The following BICDL2 variants were observed in gnomAD, a reference collection of about 807,000 sequenced individuals.
BICDL2 encodes BICD family-like cargo adapter 2.
BICDL2 carries 62 observed loss-of-function variants against 56.6 expected under a neutral mutation model. That is an observed-to-expected ratio of 1.10 (90% CI 0.89 to 1.35). The LOEUF is 1.35. BICDL2 is among the 40% of genes most tolerant of loss of function. The probability of loss-of-function intolerance (pLI) is 0.00; values close to 1 mark genes in which losing one functional copy is unlikely to be tolerated. For missense variants in BICDL2, 808 were observed against 684.5 expected (o/e 1.18, Z -2.01); for synonymous variants, 358 against 319.8 (o/e 1.12, Z -1.27).
intron 1 of BICDL2, chr16:3,035,969 C>A (rs891932099): frequency 3.2e-6 from 1 of 313,086 alleles, no homozygotes; most frequent in Admixed American, 5.0e-5. Context: ...GGCTTGGGAA[C>A]TGAGGTATCT....
chr16:3,036,445 G>GGT (rs1955734353), intron 1 of BICDL2: 1 of 456,120 alleles, frequency 2.2e-6, no homozygotes, highest in African/African-American at 2.0e-5. Context: ...CCCTCCGGGG[G>GGT]CTCACCACCC....
intron 8 of BICDL2, 104 bp from the exon 9 acceptor site, chr16:3,028,572 C>A: frequency 1.3e-6 from 2 of 1,530,618 alleles, no homozygotes; most frequent in Non-Finnish European, 1.7e-6. Context: ...CTGCAAACAC[C>A]TAGATCAAGG....
At chr16:3,032,740 A>C (rs1955676021) in intron 2 of BICDL2, 1 of 152,226 alleles carries the variant, frequency 6.6e-6, no homozygotes, top group African/African-American at 2.4e-5. Context: ...TGAGGGAACA[A>C]GCGTGAGTTC....
chr16:3,031,775 TCGCA>T (rs1211772008), intron 2 of BICDL2: 9 of 379,556 alleles, frequency 2.4e-5, no homozygotes, highest in Non-Finnish European at 4.2e-5. Context: ...CTGCAGCGAC[TCGCA>T]GGTACCCTGC....
At position 3,031,082 on chromosome 16, in the gene BICDL2, C is replaced by T. The variant is rs898296446; in HGVS notation, c.351G>A (p.Arg117=). Residue 117 remains arginine, a synonymous_variant, in exon 3 of 10, where the codon CGG becomes CGA. Coordinates refer to ENST00000572449, the MANE Select transcript of BICDL2 (RefSeq NM_001369667.1). ...CCACGTCCCCCTCCAGCTCCACGGC[C>T]CGGGCCTCCCACTCGGCTCCTCGGG... ...LAARGAEWEA[R]AVELEGDVEA... is the part of the protein sequence containing the mutation. 1.3e-6 allele frequency: 2 copies of T among 1,536,832 alleles called. No individual in the cohort carries two copies. Among genetic ancestry groups the T allele is most frequent in the Non-Finnish European group, 1.7e-6 (2 of 1,146,724 alleles).
chr16:3,027,965 C>T lies in BICDL2; in HGVS notation c.*141G>A, dbSNP rs2072845705. ...CCCCTGCTCCGGATGAGCCCCTGCT[C>T]CCGATGAGCCCTTGCCCAGCATCCT... On this transcript the variant is annotated 3_prime_UTR_variant, in exon 10 of 10. Coordinates refer to ENST00000572449, the MANE Select transcript of BICDL2 (RefSeq NM_001369667.1). 1 of 1,249,460 alleles carries T rather than the reference C, an allele frequency of 8.0e-7. No homozygotes were observed. Among genetic ancestry groups the T allele is most frequent in the Non-Finnish European group, 1.0e-6 (1 of 953,218 alleles). The allele number at this position is 1,249,460 out of a possible 1,614,324, so 77.4% of individuals were successfully genotyped here. A position where few individuals can be genotyped will look rare whatever the true frequency, so the allele number is the denominator to read the frequency against.
At position 3,035,497 on chromosome 16, in the gene BICDL2, G is replaced by C; in HGVS notation, c.-1C>G. Reference sequence around the variant, plus strand: ...AGCTGGGCCCATCTGGAGAGCTCATGTCACCTGCAGCATCTGCGGGGACAG... The same window carrying C: ...AGCTGGGCCCATCTGGAGAGCTCATCTCACCTGCAGCATCTGCGGGGACAG... On this transcript the variant is annotated 5_prime_UTR_variant, in exon 2 of 10. Transcript: ENST00000572449. 6.2e-7 allele frequency: 1 copy of C among 1,604,092 alleles called. No homozygotes were observed. The highest frequency in any genetic ancestry group is 8.5e-7 in the Non-Finnish European group (1 of 1,175,776).
chr16:3,029,271 C>T lies in BICDL2; in HGVS notation c.1107+9G>A, dbSNP rs1214829915. 1 of 1,609,102 alleles carries T rather than the reference C, an allele frequency of 6.2e-7. No individual in the cohort carries two copies. Among genetic ancestry groups the T allele is most frequent in the Admixed American group, 1.7e-5 (1 of 59,580 alleles). ...GGCCGTGCATCCAGCACCGTGCCCT[C>T]TGCCCCACCTCATCTTGCAGCTTGG... On this transcript the variant is annotated intron_variant, in intron 7 of 9. Coordinates refer to ENST00000572449, the MANE Select transcript of BICDL2 (RefSeq NM_001369667.1).
Position 3,035,396 on chromosome 16 carries a change from C to G in BICDL2, c.101G>C (p.Arg34Pro). Residue 34 changes from arginine to proline, a missense_variant, in exon 2 of 10, where the codon CGG (arginine) becomes CCG (proline). Arg to Pro is a moderately radical substitution (Grantham distance 103). Transcript: ENST00000572449. ...TGGGCCCCCTCCCAGGAATGAGTCC[C>G]GCCGCTCCAGCACAAAGGGGAAGAA... ...EGFFPFVLERRDSFLGGGPGP... is the reference protein window; with the variant it reads ...EGFFPFVLERPDSFLGGGPGP... The G allele has an allele frequency of 6.2e-7, 1 of 1,611,654 alleles. No homozygotes were observed. Among genetic ancestry groups the G allele is most frequent in the Non-Finnish European group, 8.5e-7 (1 of 1,179,452 alleles).
In BICDL2 at chr16:3,030,194, G is replaced by A. The variant is rs982799170; in HGVS notation, c.762+255C>T. On this transcript the variant is annotated intron_variant, in intron 5 of 9. Coordinates refer to ENST00000572449, the MANE Select transcript of BICDL2 (RefSeq NM_001369667.1). ...ATTGCGCAGCCGTGGTCTAGGGGCT[G>A]TCATTCCTGGCCTGAGCTCTGGCAC... 5 of 544,336 alleles carry A rather than the reference G, an allele frequency of 9.2e-6. No homozygotes were observed. The Admixed American group carries it at 1.4e-4, about 15-fold the overall frequency. 33.7% of individuals were successfully genotyped at this position (544,336 alleles called of 1,614,324 possible). A position where few individuals can be genotyped will look rare whatever the true frequency, so the allele number is the denominator to read the frequency against.
At position 3,035,198 on chromosome 16, in the gene BICDL2, G is replaced by A. The variant is rs201177718; in HGVS notation, c.282+17C>T. ...CCCTGCCCACCCACCCACCCACCCC[G>A]TCCAGTGCTAGCTCACTTCCTCACG... On this transcript the variant is annotated intron_variant, in intron 2 of 9. Transcript: ENST00000572449. 4.0e-3 allele frequency: 4,087 copies of A among 1,015,108 alleles called. 101 individuals carry two copies. The African/African-American group carries it at 0.13, about 32-fold the overall frequency. 62.9% of individuals were successfully genotyped at this position (1,015,108 alleles called of 1,614,324 possible).
Position 3,028,361 on chromosome 16 carries a change from A to C in BICDL2, c.1346T>G (p.Leu449Arg), listed in dbSNP as rs1477799204. 3 of 1,549,694 alleles carry C rather than the reference A, an allele frequency of 1.9e-6. No individual in the cohort carries two copies. The highest frequency in any genetic ancestry group is 2.6e-6 in the Non-Finnish European group (3 of 1,155,594). ...CCCGCCCCTCACCTGCCAGGCCTCC[A>C]GCTCCTGCGTGAGCGCCACCTTCTG... The part of the protein sequence containing the change: ...IRQKVALTQE[L>R]EAWQDDMQVV... The change falls in exon 9 of 10, where the codon CTG becomes CGG. Residue 449 changes from leucine to arginine, a missense_variant. By Grantham distance (102) the Leu-to-Arg change is moderately radical. Transcript: ENST00000572449.
chr16:3,031,162 A>G lies in BICDL2; in HGVS notation c.283-12T>C. ...TCCTGCTGGAGCCGCTGTGGGGGCC[A>G]GGGCAGAGGGACAGAGGCAGAGAGG... On this transcript the variant is annotated splice_polypyrimidine_tract_variant and intron_variant, in intron 2 of 9. Coordinates refer to ENST00000572449, the MANE Select transcript of BICDL2 (RefSeq NM_001369667.1). 6.5e-7 allele frequency: 1 copy of G among 1,533,350 alleles called. No homozygotes were observed. The highest frequency in any genetic ancestry group is 8.7e-7 in the Non-Finnish European group (1 of 1,145,452). The allele number at this position is 1,533,350 out of a possible 1,614,324, so 95.0% of individuals were successfully genotyped here.
In BICDL2 at chr16:3,035,544, C is replaced by T. The variant is rs529402705; in HGVS notation, c.-30-18G>A. The T allele has an allele frequency of 6.4e-7, 1 of 1,555,080 alleles. No homozygotes were observed. The highest frequency in any genetic ancestry group is 2.3e-5 in the East Asian group (1 of 44,290). On this transcript the variant is annotated intron_variant, in intron 1 of 9. Coordinates refer to ENST00000572449, the MANE Select transcript of BICDL2 (RefSeq NM_001369667.1). ...ACAGGTGGCTGCGGGACACTCTACT[C>T]TGCAGCCTGACAGGGGCTCACCCTC...
intron 2 of BICDL2, among the ~76,000 whole-genome samples, chr16:3,033,463 G>A (rs1032173458): frequency 6.6e-6 from 1 of 151,960 alleles, no homozygotes; most frequent in Admixed American, 6.6e-5. Flanking sequence ...AAGGGCTTGC[G>A]GATATTGGGG....
rs1955648360 is a variant in BICDL2 at position 3,031,127 on chromosome 16, C to T, written c.306G>A (p.Glu102=). The change falls in exon 3 of 10, where the codon GAG becomes GAA. Residue 102 remains glutamate (E), a synonymous_variant. Coordinates refer to ENST00000572449, the MANE Select transcript of BICDL2 (RefSeq NM_001369667.1). ...REERLQQENH[E]LRRGLAARGA... ...CTCGGGCTGCCAGGCCTCGCCGGAG[C>T]TCATGGTTCTCCTGCTGGAGCCGCT... 1 of 1,535,290 alleles carries T rather than the reference C, an allele frequency of 6.5e-7. No individual in the cohort carries two copies. Among genetic ancestry groups the T allele is most frequent in the Non-Finnish European group, 8.7e-7 (1 of 1,146,384 alleles).
Position 3,028,467 on chromosome 16 carries a change from C to T in BICDL2, c.1240G>A (p.Ala414Thr), listed in dbSNP as rs1955591138. The T allele has an allele frequency of 1.9e-6, 3 of 1,571,808 alleles. No homozygotes were observed. Among genetic ancestry groups the T allele is most frequent in the Non-Finnish European group, 2.6e-6 (3 of 1,167,746 alleles). Reference sequence around the variant, plus strand: ...TTGAGCTGCAGGGACAGCTCCAGGGCCCTAGGCGGGCAGGAGCAGAAGACG... The same window carrying T: ...TTGAGCTGCAGGGACAGCTCCAGGGTCCTAGGCGGGCAGGAGCAGAAGACG... ...LSDRDEAVNK[A>T]LELSLQLNRV... Residue 414 changes from alanine to threonine, a missense_variant and splice_region_variant, in exon 9 of 10, where the codon GCC (alanine) becomes ACC (threonine). Coordinates refer to ENST00000572449, the MANE Select transcript of BICDL2 (RefSeq NM_001369667.1).
intron 2 of BICDL2, chr16:3,034,830 C>T (rs117380470): frequency 0.022 from 4,157 of 191,732 alleles, 66 homozygotes; most frequent in Non-Finnish European, 0.03. Context: ...CCCCCTGCCT[C>T]GGCCTCCTGA....
At chr16:3,035,177 G>GCCCCCCCCCTC in intron 2 of BICDL2, 38 bp downstream of exon 2, 1 of 118,826 alleles carries the variant, frequency 8.4e-6, no homozygotes. Flanking sequence ...GTCCTCCCCT[G>GCCCCCCCCCTC]CCCACCCACC....
Sources: allele counts gnomAD v4.1 joint callset (sites outside exome capture counted in the v4.1 genomes callset), GRCh38; gene constraint gnomAD v4.1.1; transcripts MANE v1.5; gene names NCBI Gene and HGNC (gene_info 2026-07-23, HGNC 2026-07-21).